MAPK10: variants seen among roughly 807,000 people sequenced by gnomAD.
MAPK10 encodes mitogen-activated protein kinase 10.
In MAPK10, 25 loss-of-function variants were observed where a neutral mutation model predicts 59.3. The ratio of observed to expected loss-of-function variants is 0.42; its 90% CI spans 0.31 to 0.59. The LOEUF (loss-of-function observed/expected upper bound fraction) is 0.59, where lower values mean the gene tolerates loss of function less well. MAPK10 is among the 20% of genes least tolerant of loss of function. The probability of loss-of-function intolerance (pLI) is 0.15; values close to 1 mark genes in which losing one functional copy is unlikely to be tolerated. For missense variants in MAPK10, 351 were observed against 568.9 expected (o/e 0.62, Z 3.90); for synonymous variants, 190 against 200.5 (o/e 0.95, Z 0.44).
chr4:86,239,567 T>C (rs914775248), intron 2 of MAPK10, among the ~76,000 whole-genome samples: 4 of 152,114 alleles, frequency 2.6e-5, no homozygotes, highest in Non-Finnish European at 2.9e-5. Flanking sequence ...TCTTACTGGT[T>C]TAGTCTTGGG....
At chr4:86,534,441 A>C (rs1176763125) in intron 1 of MAPK10, among the ~76,000 whole-genome samples, 2 of 152,190 alleles carry the variant, frequency 1.3e-5, no homozygotes, top group African/African-American at 2.4e-5. Context: ...GAGAAAAATG[A>C]GTGAAGTCTG....
intron 11 of MAPK10, among the ~76,000 whole-genome samples, chr4:86,046,821 T>C (rs1054745252): frequency 6.6e-6 from 1 of 152,080 alleles, no homozygotes; most frequent in Non-Finnish European, 1.5e-5. Flanking sequence ...TCAGCAAATA[T>C]TGATTATATG....
chr4:86,156,915 A>G (rs556765589), intron 4 of MAPK10, among the ~76,000 whole-genome samples: 170 of 152,182 alleles, frequency 1.1e-3, no homozygotes, highest in Admixed American at 3.9e-3. Flanking sequence ...CAGCTCACAC[A>G]GTGAAGCAGA....
At chr4:86,558,993 G>A (rs894485448) in intron 1 of MAPK10, among the ~76,000 whole-genome samples, 10 of 152,096 alleles carry the variant, frequency 6.6e-5, no homozygotes, top group Non-Finnish European at 1.2e-4. Flanking sequence ...TCAGGCTTGT[G>A]TTCTTTGTGA....
chr4:86,132,457 G>A (rs2061180082), intron 4 of MAPK10, among the ~76,000 whole-genome samples: 1 of 152,114 alleles, frequency 6.6e-6, no homozygotes, highest in African/African-American at 2.4e-5. Context: ...TCATAAAAAT[G>A]CATTTTTAAG....
At chr4:86,484,396 A>G (rs1753832457) in intron 1 of MAPK10, among the ~76,000 whole-genome samples, 1 of 151,870 alleles carries the variant, frequency 6.6e-6, no homozygotes, top group South Asian at 2.1e-4. Flanking sequence ...AGCTTTCGTA[A>G]TGTTCTCACT....
chr4:86,296,175 C>CAAA (rs34854999), intron 2 of MAPK10, among the ~76,000 whole-genome samples: 1,533 of 116,212 alleles, frequency 0.013, 18 homozygotes, highest in African/African-American at 0.043. Flanking sequence ...GACTTGGTCT[C>CAAA]AAAAAAAAAA....
intron 1 of MAPK10, among the ~76,000 whole-genome samples, chr4:86,557,504 G>T (rs1760358339): frequency 6.6e-6 from 1 of 151,994 alleles, no homozygotes; most frequent in African/African-American, 2.4e-5. Context: ...CCAAGATTTT[G>T]TCCAACTGAG....
chr4:86,578,345 G>A (rs916216152), intron 1 of MAPK10, among the ~76,000 whole-genome samples: 18 of 152,278 alleles, frequency 1.2e-4, no homozygotes, highest in Admixed American at 4.6e-4. Context: ...GAAAAGGAAT[G>A]GCAGTGGGAG....
In MAPK10 at chr4:86,305,960, CAAAT is replaced by C. The variant is rs553166644; in HGVS notation, c.-7+48566_-7+48569del. On this transcript the variant is annotated intron_variant, in intron 2 of 13. Coordinates refer to ENST00000641462, the MANE Select transcript of MAPK10 (RefSeq NM_138982.4). ...TCACAATTTAAAATAATACAACTGG[CAAAT>C]AAAGAAATAGATAATTTGTTTGATA... 5.7e-4 allele frequency among the ~76,000 whole-genome samples: 86 copies of C among 152,058 alleles called. No individual in the cohort carries two copies. The South Asian group carries it at 0.018, about 32-fold the overall frequency.
intron 8 of MAPK10, chr4:86,100,000 C>T (rs991746908): frequency 6.6e-6 from 1 of 152,118 alleles, no homozygotes; most frequent in African/African-American, 2.4e-5. Flanking sequence ...CATACATTAT[C>T]TGTCTTCTAA....
intron 4 of MAPK10, among the ~76,000 whole-genome samples, chr4:86,134,226 T>C (rs543760920): frequency 6.6e-6 from 1 of 152,316 alleles, no homozygotes; most frequent in Non-Finnish European, 1.5e-5. Context: ...ATCTTTCATC[T>C]CCCTGAAGAG....
At chr4:86,205,944 T>A (rs1252791747) in intron 2 of MAPK10, among the ~76,000 whole-genome samples, 1 of 152,072 alleles carries the variant, frequency 6.6e-6, no homozygotes, top group African/African-American at 2.4e-5. Flanking sequence ...TTGTTTCTAT[T>A]CAATAGTACC....
At chr4:86,343,366 T>C (rs55705986) in intron 2 of MAPK10, among the ~76,000 whole-genome samples, 108,950 of 151,352 alleles carry the variant, frequency 0.72, 39,990 homozygotes, top group South Asian at 0.9. Context: ...AGGTTCTATG[T>C]CAGATTTTGT....
chr4:86,140,674 A>G (rs1008516443), intron 4 of MAPK10, among the ~76,000 whole-genome samples: 17 of 151,652 alleles, frequency 1.1e-4, no homozygotes, highest in African/African-American at 3.9e-4. Flanking sequence ...CCTAAAACTT[A>G]AAGTATAATA....
chr4:86,338,912 C>A (rs1485903727), intron 2 of MAPK10, among the ~76,000 whole-genome samples: 8 of 151,962 alleles, frequency 5.3e-5, no homozygotes, highest in Admixed American at 5.2e-4. Context: ...AGTATTAAAA[C>A]GTTTTACATT....
At chr4:86,089,717 AAAAG>A (rs2052707671) in intron 9 of MAPK10, among the ~76,000 whole-genome samples, 1 of 91,504 alleles carries the variant, frequency 1.1e-5, no homozygotes, top group South Asian at 3.8e-4. Flanking sequence ...CAGCAACCTC[AAAAG>A]AGTTTCTTTT....
At chr4:86,579,828 T>G (rs1185984832) in intron 1 of MAPK10, among the ~76,000 whole-genome samples, 1 of 152,148 alleles carries the variant, frequency 6.6e-6, no homozygotes, top group Non-Finnish European at 1.5e-5. Context: ...ATTTTTCTTT[T>G]TAAGAGACAG....
At chr4:86,532,617 AAC>A (rs1205227040) in intron 1 of MAPK10, among the ~76,000 whole-genome samples, 1 of 152,130 alleles carries the variant, frequency 6.6e-6, no homozygotes, top group Non-Finnish European at 1.5e-5. Flanking sequence ...TTTCCTTAAA[AAC>A]TTTCTTGGAT....
Sources: gnomAD v4.1 joint callset for allele counts (sites outside exome capture counted in the v4.1 genomes callset) on GRCh38, gnomAD v4.1.1 for gene constraint, MANE v1.5 for transcripts, NCBI Gene and HGNC (gene_info 2026-07-23, HGNC 2026-07-21) for gene names.